ZNF723: variants seen among roughly 807,000 people sequenced by gnomAD.
ZNF723 encodes zinc finger protein 723, pseudogene.
ZNF723 carries 5 observed loss-of-function variants against 9.4 expected under a neutral mutation model. The ratio of observed to expected loss-of-function variants is 0.53; its 90% CI spans 0.28 to 1.12. ZNF723 has a LOEUF of 1.12. Ranked by LOEUF, ZNF723 falls within the 50% of genes most tolerant of loss-of-function variation. The probability of loss-of-function intolerance (pLI) is 0.10; values close to 1 mark genes in which losing one functional copy is unlikely to be tolerated. For missense variants in ZNF723, 450 were observed against 501.5 expected (o/e 0.90, Z 0.98); for synonymous variants, 158 against 168.8 (o/e 0.94, Z 0.49).
rs560310153 is a variant in ZNF723 at position 22,844,728 on chromosome 19, G to C, written c.4-3533G>C. Among the ~76,000 whole-genome samples, 4 of 152,306 alleles carry C rather than the reference G, an allele frequency of 2.6e-5. No homozygotes were observed. In the East Asian group the frequency reaches 7.7e-4, roughly 29 times the overall value. ...GCCAGAAGTAATTGTGTTGTGAAAA[G>C]AGTACGGAGTTTAAGGGACTCTGTG... is the stretch of plus-strand genomic sequence containing the variant. On this transcript the variant is annotated intron_variant, in intron 1 of 3. Transcript: ENST00000600766.
intron 1 of ZNF723, among the ~76,000 whole-genome samples, chr19:22,842,419 G>A (rs933668487): frequency 6.6e-6 from 1 of 152,100 alleles, no homozygotes; most frequent in African/African-American, 2.4e-5. Flanking sequence ...TTTTAATGAT[G>A]TATATCCAAT....
intron 3 of ZNF723, among the ~76,000 whole-genome samples, chr19:22,852,884 T>C (rs1049303758): frequency 2.0e-5 from 3 of 152,148 alleles, no homozygotes; most frequent in Admixed American, 2.0e-4. Context: ...GCTACATATA[T>C]CTCATTCTAT....
chr19:22,855,867 ATG>A (rs1410270411), intron 3 of ZNF723, among the ~76,000 whole-genome samples: 1 of 151,984 alleles, frequency 6.6e-6, no homozygotes, highest in Admixed American at 6.6e-5. Context: ...GTGCTTATAT[ATG>A]TGTTTGTTAT....
the ZNF723 span, among the ~76,000 whole-genome samples, chr19:22,820,142 T>C: frequency 1.3e-5 from 2 of 152,046 alleles, no homozygotes; most frequent in South Asian, 4.2e-4. Context: ...CACCTAGGGG[T>C]TGGAAATCTC....
At chr19:22,829,814 C>A (rs2145199761), upstream of ZNF723, among the ~76,000 whole-genome samples, 1 of 152,160 alleles carries the variant, frequency 6.6e-6, no homozygotes, top group East Asian at 1.9e-4. Flanking sequence ...ATTGTATTGG[C>A]AAATATAAGA....
upstream of ZNF723, among the ~76,000 whole-genome samples, chr19:22,827,425 A>ATT (rs36145762): frequency 1.5e-5 from 2 of 131,570 alleles, no homozygotes; most frequent in African/African-American, 5.5e-5. Flanking sequence ...GGTTTCAACT[A>ATT]TTTTTTTTTT....
rs770438346 is a variant in ZNF723, at chr19:22,832,344, A to G, written c.-36A>G. 1.4e-6 allele frequency: 2 copies of G among 1,382,406 alleles called. No homozygotes were observed. The highest frequency in any genetic ancestry group is 1.2e-5 in the South Asian group (1 of 86,794). 85.6% of individuals were successfully genotyped at this position (1,382,406 alleles called of 1,614,324 possible). A position where few individuals can be genotyped will look rare whatever the true frequency, so the allele number is the denominator to read the frequency against. On this transcript the variant is annotated 5_prime_UTR_variant, in exon 1 of 4. Transcript: ENST00000600766. ...CTGACCTACATGCATTGGGAGATCC[A>G]CAGCTAAGACGCCAGGACTCCCTGG...
At chr19:22,821,350 C>A in the ZNF723 span, among the ~76,000 whole-genome samples, 1 of 152,134 alleles carries the variant, frequency 6.6e-6, no homozygotes, top group African/African-American at 2.4e-5. Context: ...TACTCTCCTG[C>A]GTAGACCCTG....
rs1967499610 is a variant in ZNF723 at position 22,857,631 on chromosome 19, A to G, written c.740A>G (p.His247Arg). Reference sequence around the variant, plus strand: ...AATGTGTCCTCAAGCCTTAATAATCATAAGAGAATTCATACTGGAGAGAAA... The same window carrying G: ...AATGTGTCCTCAAGCCTTAATAATCGTAAGAGAATTCATACTGGAGAGAAA... ...AFNVSSSLNN[H>R]KRIHTGEKPY... The change falls in exon 4 of 4, where the codon CAT (histidine) becomes CGT (arginine). Residue 247 changes from histidine to arginine, a missense_variant. His to Arg is a conservative substitution (Grantham distance 29). This residue lies in a region of ZNF723 where 237 missense variants were observed against 332.2 expected (regional missense o/e 0.71). Transcript: ENST00000600766. The G allele has an allele frequency of 7.8e-7, 1 of 1,283,912 alleles. No homozygotes were observed. The highest frequency in any genetic ancestry group is 1.1e-6 in the Non-Finnish European group (1 of 880,022). 79.5% of individuals were successfully genotyped at this position (1,283,912 alleles called of 1,614,324 possible).
chr19:22,857,245 A>G lies in ZNF723; in HGVS notation c.354A>G (p.Glu118=). 1 of 847,990 alleles carries G rather than the reference A, an allele frequency of 1.2e-6. No homozygotes were observed. Among genetic ancestry groups the G allele is most frequent in the East Asian group, 2.4e-5 (1 of 41,536 alleles). The allele number at this position is 847,990 out of a possible 1,614,324, so 52.5% of individuals were successfully genotyped here. A position where few individuals can be genotyped will look rare whatever the true frequency, so the allele number is the denominator to read the frequency against. ...ATTTACAATTAAGAAAAGGCTGTGA[A>G]AGTGTGGATGAGTGTAAGATGCACA... ...HDNLQLRKGC[E]SVDECKMHKG... is the part of the protein sequence containing the mutation. Residue 118 remains glutamate, a synonymous_variant, in exon 4 of 4, where the codon GAA becomes GAG. Transcript: ENST00000600766.
intron 3 of ZNF723, among the ~76,000 whole-genome samples, chr19:22,854,187 T>A (rs888465611): frequency 6.6e-6 from 1 of 151,994 alleles, no homozygotes; most frequent in Non-Finnish European, 1.5e-5. Flanking sequence ...TTGTTATGTT[T>A]ACACTAAATG....
intron 3 of ZNF723, among the ~76,000 whole-genome samples, chr19:22,853,526 C>T (rs1444494912): frequency 2.0e-5 from 3 of 151,304 alleles, no homozygotes; most frequent in East Asian, 1.9e-4. Context: ...TGTTTTATAC[C>T]CTCATTCCAT....
chr19:22,832,227 T>A (rs1286133643), upstream of ZNF723: 1 of 857,462 alleles, frequency 1.2e-6, no homozygotes, highest in African/African-American at 1.7e-5. Context: ...GATGCTTGAC[T>A]AAGAGCCGTC....
At chr19:22,813,439 T>C in the ZNF723 span, among the ~76,000 whole-genome samples, 20 of 152,146 alleles carry the variant, frequency 1.3e-4, no homozygotes, top group African/African-American at 1.9e-4. Context: ...TTGCAACTTA[T>C]CACTGGGCCT....
At chr19:22,829,255 A>G (rs1230524704), upstream of ZNF723, among the ~76,000 whole-genome samples, 3 of 149,402 alleles carry the variant, frequency 2.0e-5, no homozygotes, top group Non-Finnish European at 4.4e-5. Flanking sequence ...CAGTTCTGCT[A>G]TTTTACAGTA....
the ZNF723 span, among the ~76,000 whole-genome samples, chr19:22,825,935 A>G: frequency 6.6e-6 from 1 of 152,210 alleles, no homozygotes; most frequent in Admixed American, 6.5e-5. Flanking sequence ...AGAGCAAATT[A>G]CGACATATTG....
intron 1 of ZNF723, among the ~76,000 whole-genome samples, chr19:22,844,020 G>T (rs1967278960): frequency 6.6e-6 from 1 of 152,132 alleles, no homozygotes; most frequent in African/African-American, 2.4e-5. Flanking sequence ...TCTATTTGGG[G>T]TCTTGTTTAG....
At chr19:22,852,918 G>A (rs1003661301) in intron 3 of ZNF723, among the ~76,000 whole-genome samples, 13 of 151,538 alleles carry the variant, frequency 8.6e-5, no homozygotes, top group South Asian at 2.1e-4. Flanking sequence ...TGACTGGCTC[G>A]TTTCATTTTG....
Position 22,857,729 on chromosome 19 carries a change from A to C in ZNF723, c.838A>C (p.Thr280Pro), listed in dbSNP as rs1967501764. The C allele has an allele frequency of 7.8e-7, 1 of 1,275,352 alleles. No individual in the cohort carries two copies. Among genetic ancestry groups the C allele is most frequent in the Non-Finnish European group, 1.1e-6 (1 of 871,608 alleles). 79.0% of individuals were successfully genotyped at this position (1,275,352 alleles called of 1,614,324 possible). A position where few individuals can be genotyped will look rare whatever the true frequency, so the allele number is the denominator to read the frequency against. Residue 280 changes from threonine to proline, a missense_variant, in exon 4 of 4, where the codon ACT becomes CCT. This residue lies in a region of ZNF723 where 237 missense variants were observed against 332.2 expected (regional missense o/e 0.71). Transcript: ENST00000600766. Reference protein sequence around the residue: ...SSLNNHKRIHTGEKPYKCKEC... With the variant: ...SSLNNHKRIHPGEKPYKCKEC... ...CCTTAATAATCATAAGAGAATTCACACTGGAGAGAAACCCTACAAATGTAA... is the reference window on the plus strand; with the variant it reads ...CCTTAATAATCATAAGAGAATTCACCCTGGAGAGAAACCCTACAAATGTAA...
Sources: gnomAD v4.1 joint callset for allele counts (sites outside exome capture counted in the v4.1 genomes callset) on GRCh38, gnomAD v4.1.1 for gene constraint, gnomAD v4.1.1 regional missense constraint, MANE v1.5 for transcripts, NCBI Gene and HGNC (gene_info 2026-07-23, HGNC 2026-07-21) for gene names.